ACSL6: variants seen among roughly 807,000 people sequenced by gnomAD.
ACSL6 encodes long-chain-fatty-acid--CoA ligase 6.
A neutral mutation model predicts 98.2 loss-of-function variants in ACSL6; 47 were observed. That is an observed-to-expected ratio of 0.48 (90% CI 0.38 to 0.61). ACSL6 has a LOEUF of 0.61. Ranked by LOEUF, ACSL6 falls within the 20% of genes least tolerant of loss-of-function variation. ACSL6 has a pLI of 0.00. For missense variants in ACSL6, 761 were observed against 913.4 expected (o/e 0.83, Z 2.15); for synonymous variants, 362 against 336.9 (o/e 1.07, Z -0.82).
At chr5:131,967,507 C>CA (rs981866197) in intron 16 of ACSL6, among the ~76,000 whole-genome samples, 9 of 151,236 alleles carry the variant, frequency 6.0e-5, no homozygotes, top group African/African-American at 2.2e-4. Context: ...ACTAAAAATA[C>CA]AAAAAAAATT....
At chr5:131,975,018 G>A in intron 10 of ACSL6, 48 bp from the exon 11 acceptor site, 11 of 1,596,106 alleles carry the variant, frequency 6.9e-6, no homozygotes, top group Non-Finnish European at 9.4e-6. Flanking sequence ...ACACTGACAG[G>A]AAGACGACAA....
At chr5:131,965,044 G>A (rs1752938387) in intron 17 of ACSL6, among the ~76,000 whole-genome samples, 1 of 152,196 alleles carries the variant, frequency 6.6e-6, no homozygotes, top group Non-Finnish European at 1.5e-5. Context: ...CTGGGCCAGG[G>A]CACTCACTGG....
chr5:131,971,428 G>A (rs1182776646), intron 14 of ACSL6, 122 bp downstream of exon 14: 1 of 754,128 alleles, frequency 1.3e-6, no homozygotes, highest in African/African-American at 1.8e-5. Flanking sequence ...TCAGAGGAGG[G>A]AGCTTTTGTC....
At chr5:131,975,153 G>A (rs1219139952) in intron 10 of ACSL6, 183 bp from the exon 11 acceptor site, 2 of 1,405,416 alleles carry the variant, frequency 1.4e-6, no homozygotes, top group Non-Finnish European at 9.3e-7. Context: ...AGAGAGAGAG[G>A]GAGAGAGAGA....
chr5:132,011,822 G>C, upstream of ACSL6: 2 of 1,487,572 alleles, frequency 1.3e-6, no homozygotes, highest in Non-Finnish European at 1.8e-6. The surrounding 1 kb of genome is among the most constrained non-coding windows in gnomAD (Gnocchi z 5.4). Context: ...CGCACTGACC[G>C]CGGTGTCGGA....
intron 1 of ACSL6, among the ~76,000 whole-genome samples, chr5:131,998,528 G>C (rs1165323678): frequency 6.6e-6 from 1 of 152,174 alleles, no homozygotes; most frequent in Non-Finnish European, 1.5e-5. Flanking sequence ...GTGGTGGGGT[G>C]GCAGAAGCAA....
rs981296197 is a variant in ACSL6 at position 131,975,328 on chromosome 5, C to A, written c.991-358G>T. ...CGCAGGGAAGTCTCCTCTCTGAGGGCCTGCCCCTCACTTGCAGTCAGTCGG... is the reference window on the plus strand; with the variant it reads ...CGCAGGGAAGTCTCCTCTCTGAGGGACTGCCCCTCACTTGCAGTCAGTCGG... On this transcript the variant is annotated intron_variant, in intron 10 of 20. Coordinates refer to ENST00000651883, the MANE Select transcript of ACSL6 (RefSeq NM_001009185.3). 4.1e-6 allele frequency: 4 copies of A among 985,288 alleles called. No homozygotes were observed. In the African/African-American group the frequency reaches 7.0e-5, roughly 17 times the overall value. The allele number at this position is 985,288 out of a possible 1,614,324, so 61.0% of individuals were successfully genotyped here.
chr5:132,011,278 C>A lies in ACSL6; in HGVS notation c.49+227G>T, dbSNP rs1416934433. 6.6e-6 allele frequency among the ~76,000 whole-genome samples: 1 copy of A among 152,114 alleles called. No individual in the cohort carries two copies. The highest frequency in any genetic ancestry group is 2.4e-5 in the African/African-American group (1 of 41,412). ...TGTGGTGGGGTCGCAGAGAGCAAGCCCTATATCTCCCTCCGCAGACCCAGG... is the reference window on the plus strand; with the variant it reads ...TGTGGTGGGGTCGCAGAGAGCAAGCACTATATCTCCCTCCGCAGACCCAGG... On this transcript the variant is annotated intron_variant, in intron 1 of 20. Transcript: ENST00000651883. This position sits in a 1 kb window ranked among gnomAD's most constrained non-coding sequence, Gnocchi z 5.4.
Position 132,011,052 on chromosome 5 carries a change from C to T in ACSL6, c.49+453G>A, listed in dbSNP as rs1395170477. Reference sequence around the variant, plus strand: ...AGGGAGGGGTCGTGAGGAAGCCCCTCGCCGGGATCAGGAAGCCTAGGTCAG... The same window carrying T: ...AGGGAGGGGTCGTGAGGAAGCCCCTTGCCGGGATCAGGAAGCCTAGGTCAG... On this transcript the variant is annotated intron_variant, in intron 1 of 20. Coordinates refer to ENST00000651883, the MANE Select transcript of ACSL6 (RefSeq NM_001009185.3). This position sits in a 1 kb window ranked among gnomAD's most constrained non-coding sequence, Gnocchi z 5.4. Among the ~76,000 whole-genome samples the T allele has an allele frequency of 6.6e-6, 1 of 152,106 alleles. No individual in the cohort carries two copies. The highest frequency in any genetic ancestry group is 1.5e-5 in the Non-Finnish European group (1 of 68,014).
intron 17 of ACSL6, among the ~76,000 whole-genome samples, chr5:131,964,958 A>G (rs945959264): frequency 6.6e-6 from 1 of 152,082 alleles, no homozygotes; most frequent in Non-Finnish European, 1.5e-5. Flanking sequence ...GTGTGCCCCC[A>G]GTGTGCCCCC....
At position 131,950,234 on chromosome 5, in the gene ACSL6, G is replaced by GAAT. The variant is rs1752092434; in HGVS notation, c.*3997_*3999dup. The stretch of plus-strand genomic sequence containing the variant: ...GGAAAATTAGAATAATCGGTCAAAT[G>GAAT]AATGTTTAAAAGCCACTGTCACCTC... On this transcript the variant is annotated 3_prime_UTR_variant, in exon 21 of 21. Coordinates refer to ENST00000651883, the MANE Select transcript of ACSL6 (RefSeq NM_001009185.3). 5.0e-6 allele frequency: 1 copy of GAAT among 201,778 alleles called. No individual in the cohort carries two copies. Among genetic ancestry groups the GAAT allele is most frequent in the African/African-American group, 2.3e-5 (1 of 43,678 alleles). The allele number at this position is 201,778 out of a possible 1,614,324, so 12.5% of individuals were successfully genotyped here.
intron 17 of ACSL6, among the ~76,000 whole-genome samples, chr5:131,965,789 C>T (rs1490711310): frequency 6.6e-6 from 1 of 152,200 alleles, no homozygotes; most frequent in African/African-American, 2.4e-5. Flanking sequence ...AGGTAAGCAA[C>T]ACTGTGATCC....
At chr5:131,986,914 C>A in intron 7 of ACSL6, 60 bp from the exon 8 acceptor site, 2 of 1,583,126 alleles carry the variant, frequency 1.3e-6, no homozygotes, top group Non-Finnish European at 8.6e-7. Context: ...CTCTTTCTGT[C>A]CCTCTGTCTC....
intron 9 of ACSL6, among the ~76,000 whole-genome samples, chr5:131,977,794 A>T (rs1206142964): frequency 6.6e-6 from 1 of 152,200 alleles, no homozygotes; most frequent in African/African-American, 2.4e-5. Context: ...GTTGTACTCG[A>T]TGCCCCTGAA....
intron 17 of ACSL6, among the ~76,000 whole-genome samples, chr5:131,966,093 T>C (rs773515468): frequency 3.3e-5 from 5 of 152,160 alleles, no homozygotes; most frequent in Non-Finnish European, 7.4e-5. Flanking sequence ...CCTAGAGACA[T>C]GTACCCCCTG....
chr5:131,978,597 A>G (rs2126849710), intron 9 of ACSL6, among the ~76,000 whole-genome samples: 1 of 152,234 alleles, frequency 6.6e-6, no homozygotes, highest in East Asian at 1.9e-4. Flanking sequence ...CCTATTTTGG[A>G]CTGACACTTG....
intron 2 of ACSL6, chr5:131,993,453 CAA>C (rs1210387478): frequency 1.9e-5 from 3 of 159,616 alleles, no homozygotes; most frequent in Admixed American, 5.7e-5. Context: ...TTATCTATTC[CAA>C]ATGAACAGAA....
intron 15 of ACSL6, among the ~76,000 whole-genome samples, 160 bp downstream of exon 15, chr5:131,969,968 C>T (rs30161): frequency 0.025 from 3,845 of 152,304 alleles, 74 homozygotes; most frequent in Non-Finnish European, 0.039. Flanking sequence ...ATTCACAATG[C>T]CACAACCCAG....
rs752713631 is a variant in ACSL6 at position 131,962,721 on chromosome 5, C to A, written c.1714-43G>T. 37 of 1,606,464 alleles carry A rather than the reference C, an allele frequency of 2.3e-5. No homozygotes were observed. In the Middle Eastern group the frequency reaches 5.0e-4, roughly 22 times the overall value. On this transcript the variant is annotated intron_variant, in intron 17 of 20. Transcript: ENST00000651883. ...CAGCTTTATAAGAACATGGCACTCT[C>A]AAGCCTGAACCTTTGCTCCTCAGTG...
Sources: gnomAD v4.1 joint callset for allele counts (sites outside exome capture counted in the v4.1 genomes callset) on GRCh38, gnomAD v4.1.1 for gene constraint, Gnocchi (gnomAD v3.1) non-coding constraint, MANE v1.5 for transcripts, NCBI Gene and HGNC (gene_info 2026-07-23, HGNC 2026-07-21) for gene names.